The following SLC16A3 variants were observed in gnomAD, a reference collection of about 807,000 sequenced individuals.
The protein encoded by SLC16A3 is solute carrier family 16 member 3.
SLC16A3 carries 22 observed loss-of-function variants against 25.0 expected under a neutral mutation model. The observed-to-expected ratio is 0.88, with a 90% confidence interval of 0.63 to 1.26. The LOEUF (loss-of-function observed/expected upper bound fraction) is 1.26. SLC16A3 is among the 50% of genes most tolerant of loss of function. SLC16A3 has a pLI of 0.00. For missense variants in SLC16A3, 731 were observed against 666.6 expected, an observed-to-expected ratio of 1.10 and a Z score of -1.06; for synonymous variants, 390 against 309.2, an observed-to-expected ratio of 1.26 and a Z score of -2.74.
chr17:82,233,844 T>A (rs372906846), intron 1 of SLC16A3: 17,394 of 151,436 alleles, frequency 0.11, 2,170 homozygotes, highest in African/African-American at 0.32. Context: ...ATTTTTATTT[T>A]TTTATTTTTT....
chr17:82,237,858 A>T lies in SLC16A3; in HGVS notation c.1088A>T (p.Glu363Val). The stretch of plus-strand genomic sequence containing the variant: ...GCCATTGGCCTGGTGCTGCTGATGG[A>T]GGCGGTGGCCGTGCTCGTCGGGCCC... ...SSAIGLVLLMEAVAVLVGPPS... is the reference protein window; with the variant it reads ...SSAIGLVLLMVAVAVLVGPPS... Residue 363 changes from glutamate to valine, a missense_variant, in exon 4 of 5, where the codon GAG (glutamate) becomes GTG (valine). Glu to Val is a moderately radical substitution (Grantham distance 121, BLOSUM62 -2). Transcript: ENST00000582743. The T allele has an allele frequency of 6.2e-7, 1 of 1,603,568 alleles. No homozygotes were observed. The highest frequency in any genetic ancestry group is 1.1e-5 in the South Asian group (1 of 91,058).
intron 4 of SLC16A3, 28 bp downstream of exon 4, chr17:82,237,921 C>G: frequency 1.9e-6 from 3 of 1,586,024 alleles, no homozygotes; most frequent in Non-Finnish European, 2.6e-6. Context: ...AGGCAGTTCC[C>G]CACACCTGCC....
rs527618385 is a variant in SLC16A3 at position 82,236,670 on chromosome 17, G to A, written c.224-59G>A. The A allele has an allele frequency of 4.2e-4, 664 of 1,572,632 alleles. 3 individuals are homozygous for A. The highest frequency in any genetic ancestry group is 3.4e-3 in the East Asian group (153 of 44,402). On this transcript the variant is annotated intron_variant, in intron 2 of 4. Coordinates refer to ENST00000582743, the MANE Select transcript of SLC16A3 (RefSeq NM_004207.4). The stretch of plus-strand genomic sequence containing the variant: ...CCGGCTCCAGGCTGTGAGCTCAGTC[G>A]GCTGGCGGGGGTAGAGCTGGCTGCA...
At chr17:82,222,700 G>A (rs899109742) in intron 1 of SLC16A3, among the ~76,000 whole-genome samples, 1 of 151,898 alleles carries the variant, frequency 6.6e-6, no homozygotes, top group Non-Finnish European at 1.5e-5. Flanking sequence ...CTACTCGGGA[G>A]GCTGAGGCAG....
Position 82,238,613 on chromosome 17 carries a change from C to T in SLC16A3, c.1124-89C>T, listed in dbSNP as rs528611637. On this transcript the variant is annotated intron_variant, in intron 4 of 4. Coordinates refer to ENST00000582743, the MANE Select transcript of SLC16A3 (RefSeq NM_004207.4). ...AGGCAGACAGGGTGACCCTTGCGTGCTGAGACACCGAGACACAGGCTTGGG... is the reference window on the plus strand; with the variant it reads ...AGGCAGACAGGGTGACCCTTGCGTGTTGAGACACCGAGACACAGGCTTGGG... The T allele has an allele frequency of 4.4e-6, 6 of 1,353,844 alleles. No homozygotes were observed. In the Admixed American group the frequency reaches 1.3e-4, roughly 29 times the overall value. The allele number at this position is 1,353,844 out of a possible 1,614,324, so 83.9% of individuals were successfully genotyped here.
chr17:82,233,955 C>T (rs1027036963), intron 1 of SLC16A3: 2 of 152,232 alleles, frequency 1.3e-5, no homozygotes, highest in African/African-American at 4.8e-5. Context: ...ATTCTCCTGC[C>T]TCAGCCTCCC....
chr17:82,232,920 G>A (rs2050522417), intron 1 of SLC16A3, among the ~76,000 whole-genome samples: 2 of 142,960 alleles, frequency 1.4e-5, no homozygotes, highest in Non-Finnish European at 3.0e-5. Flanking sequence ...GGGGGCGGCG[G>A]GGGGGGGGTT....
In SLC16A3 at chr17:82,237,262, C is replaced by G. The variant is rs1271222407; in HGVS notation, c.492C>G (p.Ser164Arg). The change falls in exon 4 of 5, where the codon AGC becomes AGG. Residue 164 changes from serine to arginine, a missense_variant. Ser to Arg is a moderately radical substitution (Grantham distance 110). Transcript: ENST00000582743. ...AGSPVFLCAL[S>R]PLGQLLQDRY... The stretch of plus-strand genomic sequence containing the variant: ...GCCCTGTCTTCCTGTGTGCCCTGAG[C>G]CCGCTGGGGCAGCTGCTGCAGGACC... 6.4e-7 allele frequency: 1 copy of G among 1,563,856 alleles called. No homozygotes were observed. The highest frequency in any genetic ancestry group is 8.7e-7 in the Non-Finnish European group (1 of 1,154,634).
chr17:82,238,540 CTGAAA>C (rs1161356667), intron 4 of SLC16A3, among the ~76,000 whole-genome samples, 157 bp from the exon 5 acceptor site: 6 of 152,178 alleles, frequency 3.9e-5, no homozygotes, highest in Admixed American at 3.3e-4. Context: ...ATGCCCCCAG[CTGAAA>C]CACATGGAGG....
intron 1 of SLC16A3, chr17:82,234,068 C>T (rs555465020): frequency 1.3e-4 from 20 of 152,162 alleles, no homozygotes; most frequent in East Asian, 3.8e-4. Flanking sequence ...TCTCGATCTC[C>T]TGACCTCGTG....
At chr17:82,227,801 G>A (rs963059377), upstream of SLC16A3, among the ~76,000 whole-genome samples, 11 of 152,204 alleles carry the variant, frequency 7.2e-5, no homozygotes, top group African/African-American at 2.4e-4. Flanking sequence ...TTTGGGGATG[G>A]GGGTGGTTGG....
At chr17:82,228,744 C>T (rs902788529), upstream of SLC16A3, among the ~76,000 whole-genome samples, 1 of 151,918 alleles carries the variant, frequency 6.6e-6, no homozygotes, top group Non-Finnish European at 1.5e-5. Context: ...GGCGGAGGGG[C>T]GAAGCGAGCC....
chr17:82,220,555 G>A (rs1172583336), intron 1 of SLC16A3, among the ~76,000 whole-genome samples: 4 of 152,114 alleles, frequency 2.6e-5, no homozygotes, highest in African/African-American at 7.2e-5. Context: ...AGAATCACCT[G>A]AGCTCAGGAG....
chr17:82,238,592 A>T, intron 4 of SLC16A3, 110 bp from the exon 5 acceptor site: 1 of 1,140,880 alleles, frequency 8.8e-7, no homozygotes, highest in Non-Finnish European at 1.2e-6. Flanking sequence ...GCTCAGAGGC[A>T]GACAGGGTGA....
chr17:82,230,395 G>A (rs1235863724), intron 1 of SLC16A3: 1 of 152,412 alleles, frequency 6.6e-6, no homozygotes, highest in Non-Finnish European at 1.5e-5. Context: ...GGCAGGCTTG[G>A]TAACGACCCC....
At chr17:82,224,001 C>A (rs926473834), upstream of SLC16A3, among the ~76,000 whole-genome samples, 2 of 150,278 alleles carry the variant, frequency 1.3e-5, no homozygotes, top group African/African-American at 2.5e-5. Flanking sequence ...TGCAGACGCA[C>A]CCCTACACCC....
upstream of SLC16A3, among the ~76,000 whole-genome samples, chr17:82,224,195 GACACCTGTGCAGACACACCCCT>G (rs2050406709): frequency 1.3e-5 from 1 of 75,996 alleles, no homozygotes. Flanking sequence ...CCCGTGCACA[GACACCTGTGCAGACACACCCCT>G]ACACCCGTGC....
At position 82,237,800 on chromosome 17, in the gene SLC16A3, A is replaced by C; in HGVS notation, c.1030A>C (p.Met344Leu). 6.2e-7 allele frequency: 1 copy of C among 1,610,952 alleles called. No homozygotes were observed. Among genetic ancestry groups the C allele is most frequent in the East Asian group, 2.2e-5 (1 of 44,872 alleles). Residue 344 changes from methionine to leucine, a missense_variant, in exon 4 of 5, where the codon ATG becomes CTG. Transcript: ENST00000582743. ...GGGGGCCCTGCAGTTCGAGGTGCTC[A>C]TGGCCATCGTGGGCACCCACAAGTT... ...MVGALQFEVL[M>L]AIVGTHKFSS... is the part of the protein sequence containing the mutation.
chr17:82,225,156 G>A (rs1041246198), upstream of SLC16A3, among the ~76,000 whole-genome samples: 12 of 152,190 alleles, frequency 7.9e-5, no homozygotes, highest in African/African-American at 1.4e-4. Context: ...CAGCTACTCA[G>A]GAGGCTGAGG....
Sources: allele counts gnomAD v4.1 joint callset (sites outside exome capture counted in the v4.1 genomes callset), GRCh38; gene constraint gnomAD v4.1.1; transcripts MANE v1.5; gene names NCBI Gene and HGNC (gene_info 2026-07-23, HGNC 2026-07-21).